The following NEK7 variants were observed in gnomAD, a reference collection of about 807,000 sequenced individuals.
NEK7 encodes NIMA related kinase 7.
In NEK7, 18 loss-of-function variants were observed where a neutral mutation model predicts 44.6. That is an observed-to-expected ratio of 0.40 (90% confidence interval 0.28 to 0.60). The LOEUF is 0.60. Among genes scored for constraint, NEK7 ranks in the 20% least tolerant of loss-of-function variants. NEK7 has a pLI of 0.38. For missense variants in NEK7, 256 were observed against 366.5 expected, an observed-to-expected ratio of 0.70 and a Z score of 2.46; for synonymous variants, 130 against 121.1, an observed-to-expected ratio of 1.07 and a Z score of -0.48.
At chr1:198,242,014 A>T (rs181465471) in intron 2 of NEK7, among the ~76,000 whole-genome samples, 4 of 152,274 alleles carry the variant, frequency 2.6e-5, no homozygotes. Flanking sequence ...TGTTTTTACC[A>T]GTAAATGGCA....
At chr1:198,309,345 G>T (rs1458515771) in intron 9 of NEK7, among the ~76,000 whole-genome samples, 1 of 152,076 alleles carries the variant, frequency 6.6e-6, no homozygotes, top group Non-Finnish European at 1.5e-5. Flanking sequence ...TGGGGGAAGG[G>T]AGAAGGAGTT....
intron 8 of NEK7, among the ~76,000 whole-genome samples, chr1:198,294,182 A>G (rs1306413110): frequency 6.6e-6 from 1 of 151,990 alleles, no homozygotes; most frequent in African/African-American, 2.4e-5. Context: ...CTTAAAATGA[A>G]AGGATTTTTA....
At chr1:198,196,424 G>A (rs1665238733) in intron 1 of NEK7, among the ~76,000 whole-genome samples, 1 of 152,178 alleles carries the variant, frequency 6.6e-6, no homozygotes. Context: ...ATGCTTTGTC[G>A]AGAGCTGGAT....
intron 9 of NEK7, among the ~76,000 whole-genome samples, chr1:198,315,332 G>A (rs1655332594): frequency 2.6e-5 from 4 of 152,188 alleles, no homozygotes; most frequent in Admixed American, 2.6e-4. Flanking sequence ...TGCGCCCACT[G>A]TCTGGCACTC....
At chr1:198,311,900 T>A (rs1416146985) in intron 9 of NEK7, among the ~76,000 whole-genome samples, 2 of 152,200 alleles carry the variant, frequency 1.3e-5, no homozygotes, top group East Asian at 3.9e-4. Context: ...TAAAATTCCC[T>A]TTTTTGGTTG....
rs557719314 is a variant in NEK7 at position 198,252,763 on chromosome 1, A to G, written c.58-277A>G. 8.2e-5 allele frequency among the ~76,000 whole-genome samples: 12 copies of G among 147,046 alleles called. No homozygotes were observed. In the South Asian group the frequency reaches 2.3e-3, roughly 28 times the overall value. ...GTTTTATATATTTATTAAAACACAC[A>G]TATATATATATGTATGTTTTAATGT... On this transcript the variant is annotated intron_variant, in intron 2 of 9. Transcript: ENST00000367385.
At chr1:198,291,603 G>A (rs1040472462) in intron 7 of NEK7, among the ~76,000 whole-genome samples, 14 of 151,706 alleles carry the variant, frequency 9.2e-5, no homozygotes, top group Non-Finnish European at 1.6e-4. Flanking sequence ...TTAATAGTTC[G>A]TATTTTATTT....
At chr1:198,158,346 T>G (rs542060760) in intron 1 of NEK7, among the ~76,000 whole-genome samples, 5 of 152,316 alleles carry the variant, frequency 3.3e-5, no homozygotes, top group African/African-American at 1.2e-4. Context: ...ACACCACATT[T>G]CCATAGTTTG....
At chr1:198,185,541 G>A (rs1367166374) in intron 1 of NEK7, among the ~76,000 whole-genome samples, 1 of 152,026 alleles carries the variant, frequency 6.6e-6, no homozygotes. Flanking sequence ...AAGTTACAGT[G>A]TTCTAATATT....
At chr1:198,184,744 CT>C (rs1443171168) in intron 1 of NEK7, among the ~76,000 whole-genome samples, 1 of 152,060 alleles carries the variant, frequency 6.6e-6, no homozygotes, top group Non-Finnish European at 1.5e-5. Flanking sequence ...TCATGACTCA[CT>C]GCGGCTTCGA....
intron 2 of NEK7, among the ~76,000 whole-genome samples, chr1:198,244,457 A>AC (rs1286019206): frequency 6.6e-6 from 1 of 152,152 alleles, no homozygotes; most frequent in Non-Finnish European, 1.5e-5. Context: ...GTTATTGTTT[A>AC]AGGAGTCTGC....
At chr1:198,314,316 T>C (rs1264762929) in intron 9 of NEK7, among the ~76,000 whole-genome samples, 1 of 152,186 alleles carries the variant, frequency 6.6e-6, no homozygotes, top group African/African-American at 2.4e-5. Flanking sequence ...GTAATGGTTA[T>C]TCTAGTTATA....
At chr1:198,288,195 T>C (rs959659526) in intron 7 of NEK7, among the ~76,000 whole-genome samples, 2 of 152,242 alleles carry the variant, frequency 1.3e-5, no homozygotes, top group African/African-American at 4.8e-5. Context: ...AGGCAGCATA[T>C]GTTCAGTCAG....
intron 2 of NEK7, among the ~76,000 whole-genome samples, chr1:198,245,513 G>C (rs1213717691): frequency 6.6e-6 from 1 of 152,120 alleles, no homozygotes; most frequent in African/African-American, 2.4e-5. Flanking sequence ...TGGTTTGCTG[G>C]GTATGAAAAA....
intron 3 of NEK7, among the ~76,000 whole-genome samples, chr1:198,260,250 C>G (rs1653411109): frequency 1.3e-5 from 2 of 151,844 alleles, no homozygotes; most frequent in South Asian, 4.1e-4. Flanking sequence ...ATGGTTTGTT[C>G]TTTAATACTG....
chr1:198,172,088 G>A (rs1664466629), intron 1 of NEK7, among the ~76,000 whole-genome samples: 2 of 152,170 alleles, frequency 1.3e-5, no homozygotes, highest in Non-Finnish European at 2.9e-5. Flanking sequence ...AGACATATCA[G>A]TAATGCTGAA....
Position 198,210,913 on chromosome 1 carries a change from C to T in NEK7, c.-28-21640C>T, listed in dbSNP as rs898707104. Among the ~76,000 whole-genome samples, 11 of 151,466 alleles carry T rather than the reference C, an allele frequency of 7.3e-5. No individual in the cohort carries two copies. In the East Asian group the frequency reaches 1.4e-3, roughly 19 times the overall value. ...GACTACAGGCGCCCGCCACTACGCC[C>T]GGCTAATTTTTTGTATTTTTAGTAG... On this transcript the variant is annotated intron_variant, in intron 1 of 9. Coordinates refer to ENST00000367385, the MANE Select transcript of NEK7 (RefSeq NM_133494.3).
rs57115639 is a variant in NEK7, at chr1:198,218,737, CAAA to C, written c.-28-13807_-28-13805del. 1.4e-4 allele frequency among the ~76,000 whole-genome samples: 20 copies of C among 141,148 alleles called. No homozygotes were observed. In the East Asian group the frequency reaches 3.0e-3, roughly 21 times the overall value. The allele number at this position is 141,148 out of a possible 152,430, so 92.6% of individuals were successfully genotyped here. A position where few individuals can be genotyped will look rare whatever the true frequency, so the allele number is the denominator to read the frequency against. Reference sequence around the variant, plus strand: ...GAAAAAAATCCAATTAAAAGATTGGCAAAAAAAAAAAGCATGAATAGACATTTC... The same window carrying C: ...GAAAAAAATCCAATTAAAAGATTGGCAAAAAAAAGCATGAATAGACATTTC... On this transcript the variant is annotated intron_variant, in intron 1 of 9. Transcript: ENST00000367385.
intron 6 of NEK7, among the ~76,000 whole-genome samples, chr1:198,278,689 G>A (rs1654097072): frequency 6.6e-6 from 1 of 151,568 alleles, no homozygotes; most frequent in African/African-American, 2.4e-5. Context: ...CAGGTTTTTT[G>A]AAAATGGAAA....
Sources: gnomAD v4.1 joint callset for allele counts (sites outside exome capture counted in the v4.1 genomes callset) on GRCh38, gnomAD v4.1.1 for gene constraint, MANE v1.5 for transcripts, NCBI Gene and HGNC (gene_info 2026-07-23, HGNC 2026-07-21) for gene names.